The following MAGI2 variants were observed in gnomAD, a reference collection of about 807,000 sequenced individuals.
The protein encoded by MAGI2 is membrane-associated guanylate kinase, WW and PDZ domain-containing protein 2.
Under a neutral mutation model 133.3 loss-of-function variants are expected in MAGI2, and 35 were observed. That is an observed-to-expected ratio of 0.26 (90% confidence interval 0.20 to 0.35). The LOEUF (loss-of-function observed/expected upper bound fraction) is 0.35, where lower values mean the gene tolerates loss of function less well. Among genes scored for constraint, MAGI2 ranks in the 10% least tolerant of loss-of-function variants. The pLI, the probability that MAGI2 is intolerant of heterozygous loss-of-function variation, is 1.00. For missense variants in MAGI2, 1,636 were observed against 1,863.4 expected (o/e 0.88, Z 2.25); for synonymous variants, 729 against 710.6 (o/e 1.03, Z -0.41).
chr7:78,776,860 G>C (rs1826026310), intron 2 of MAGI2, among the ~76,000 whole-genome samples: 2 of 152,210 alleles, frequency 1.3e-5, no homozygotes, highest in African/African-American at 4.8e-5. Flanking sequence ...GATCCTAACA[G>C]GTAAAGATTC....
chr7:78,057,205 T>G (rs1812675376), intron 21 of MAGI2, among the ~76,000 whole-genome samples: 1 of 152,048 alleles, frequency 6.6e-6, no homozygotes, highest in African/African-American at 2.4e-5. Context: ...AGTTCTAATT[T>G]CTTCACATCC....
intron 2 of MAGI2, among the ~76,000 whole-genome samples, chr7:78,842,568 C>G (rs1792235596): frequency 6.6e-6 from 1 of 151,656 alleles, no homozygotes; most frequent in Non-Finnish European, 1.5e-5. Flanking sequence ...AAGCAAAGAG[C>G]CTTGAAGATA....
chr7:79,080,840 G>A (rs149630093), intron 1 of MAGI2, among the ~76,000 whole-genome samples: 1,697 of 152,056 alleles, frequency 0.011, 13 homozygotes, highest in Non-Finnish European at 0.015. Context: ...ACTGGTCCAC[G>A]CTGTGTCATC....
chr7:78,761,962 C>T (rs979574287), intron 2 of MAGI2, among the ~76,000 whole-genome samples: 8 of 151,786 alleles, frequency 5.3e-5, no homozygotes, highest in African/African-American at 1.9e-4. Flanking sequence ...TGAATTTGGG[C>T]AAAAAATACT....
chr7:78,432,999 G>A (rs572824152), intron 6 of MAGI2, among the ~76,000 whole-genome samples: 3 of 151,948 alleles, frequency 2.0e-5, no homozygotes, highest in Admixed American at 2.0e-4. Context: ...AATAACCTGG[G>A]TTGGTGTTTT....
At chr7:78,061,409 TACACACACACAC>T (rs59531463) in intron 21 of MAGI2, among the ~76,000 whole-genome samples, 11,633 of 139,692 alleles carry the variant, frequency 0.083, 603 homozygotes, top group East Asian at 0.19. Flanking sequence ...GGACTGGTTG[TACACACACACAC>T]ACACACACAC....
At chr7:78,736,812 T>C (rs995563876) in intron 2 of MAGI2, among the ~76,000 whole-genome samples, 1 of 152,166 alleles carries the variant, frequency 6.6e-6, no homozygotes, top group African/African-American at 2.4e-5. Flanking sequence ...CTTTTAAGAA[T>C]GTCCCTGACC....
intron 2 of MAGI2, among the ~76,000 whole-genome samples, chr7:78,929,048 A>C (rs190962048): frequency 7.9e-5 from 12 of 152,236 alleles, no homozygotes; most frequent in Admixed American, 2.0e-4. Context: ...TTCCAATGGA[A>C]TATTAAAGAA....
chr7:79,106,256 C>T (rs879414510), intron 1 of MAGI2, among the ~76,000 whole-genome samples: 3 of 151,858 alleles, frequency 2.0e-5, no homozygotes, highest in Non-Finnish European at 4.4e-5. Flanking sequence ...AAGAGAAGGA[C>T]AATAGAGATA....
chr7:78,924,128 T>C lies in MAGI2; in HGVS notation c.418+82962A>G, dbSNP rs368274904. Among the ~76,000 whole-genome samples the C allele has an allele frequency of 3.0e-4, 46 of 152,312 alleles. No individual in the cohort carries two copies. In the East Asian group the frequency reaches 7.0e-3, roughly 23 times the overall value. The stretch of plus-strand genomic sequence containing the variant: ...ATGGGGTTTTCTAGATATACAATCA[T>C]GTCGTCTGCAAACAGGGACAATTTG... On this transcript the variant is annotated intron_variant, in intron 2 of 21. Transcript: ENST00000354212.
chr7:79,101,735 A>AG (rs1233404628), intron 1 of MAGI2, among the ~76,000 whole-genome samples: 3 of 150,748 alleles, frequency 2.0e-5, no homozygotes, highest in Non-Finnish European at 4.4e-5. Context: ...AAAAAAAAAA[A>AG]AAAAAGAAAA....
At chr7:79,306,295 T>A (rs1277764162) in intron 1 of MAGI2, among the ~76,000 whole-genome samples, 1 of 146,222 alleles carries the variant, frequency 6.8e-6, no homozygotes, top group Non-Finnish European at 1.5e-5. Context: ...TATATATTAT[T>A]TATATGCATA....
At chr7:78,481,471 G>A (rs748068179) in intron 6 of MAGI2, among the ~76,000 whole-genome samples, 2 of 151,826 alleles carry the variant, frequency 1.3e-5, no homozygotes, top group South Asian at 2.1e-4. Context: ...CGACACATGG[G>A]GATTGCAACT....
At chr7:78,576,532 C>T in intron 3 of MAGI2, among the ~76,000 whole-genome samples, 1 of 147,484 alleles carries the variant, frequency 6.8e-6, no homozygotes, top group Non-Finnish European at 1.5e-5. Context: ...CCAGAGCAAG[C>T]CATAAAACTT....
chr7:79,124,390 T>C (rs1013961721), intron 1 of MAGI2, among the ~76,000 whole-genome samples: 2 of 152,188 alleles, frequency 1.3e-5, no homozygotes, highest in Admixed American at 6.5e-5. Flanking sequence ...ATAAAAGTTA[T>C]CCTCATTTTA....
At chr7:78,470,526 A>G (rs1350641598) in intron 6 of MAGI2, among the ~76,000 whole-genome samples, 2 of 152,130 alleles carry the variant, frequency 1.3e-5, no homozygotes, top group East Asian at 3.9e-4. Flanking sequence ...GAGTAAAGCT[A>G]ATATAATTCA....
At chr7:78,582,364 A>G (rs912064135) in intron 3 of MAGI2, among the ~76,000 whole-genome samples, 1 of 152,204 alleles carries the variant, frequency 6.6e-6, no homozygotes, top group African/African-American at 2.4e-5. Context: ...ACTGAACAGA[A>G]AGTCACCAAC....
intron 1 of MAGI2, among the ~76,000 whole-genome samples, chr7:79,291,805 C>T (rs1836508871): frequency 6.6e-6 from 1 of 152,086 alleles, no homozygotes; most frequent in Non-Finnish European, 1.5e-5. Context: ...GTTATATAGA[C>T]TATATATAAA....
At chr7:78,565,280 A>G (rs1800828594) in intron 3 of MAGI2, among the ~76,000 whole-genome samples, 1 of 151,962 alleles carries the variant, frequency 6.6e-6, no homozygotes, top group Admixed American at 6.6e-5. Context: ...TGGGCAAAAT[A>G]GCGAGACCCT....
Sources: gnomAD v4.1 joint callset for allele counts (sites outside exome capture counted in the v4.1 genomes callset) on GRCh38, gnomAD v4.1.1 for gene constraint, MANE v1.5 for transcripts, NCBI Gene and HGNC (gene_info 2026-07-23, HGNC 2026-07-21) for gene names.